NOL4L: variants seen among roughly 807,000 people sequenced by gnomAD.
NOL4L encodes nucleolar protein 4-like.
A neutral mutation model predicts 64.5 loss-of-function variants in NOL4L; 7 were observed. That is an observed-to-expected ratio of 0.11 (90% CI 0.06 to 0.20). The LOEUF (loss-of-function observed/expected upper bound fraction) is 0.20. NOL4L is among the 10% of genes least tolerant of loss of function. NOL4L has a pLI of 1.00. For missense variants in NOL4L, 680 were observed against 967.1 expected (o/e 0.70, Z 3.94); for synonymous variants, 413 against 401.0 (o/e 1.03, Z -0.36).
chr20:32,536,771 G>C (rs1245479343), intron 1 of NOL4L, among the ~76,000 whole-genome samples: 2 of 136,346 alleles, frequency 1.5e-5, no homozygotes, highest in African/African-American at 5.2e-5. Context: ...CAGGGGGGAC[G>C]GCTCCGCGGC....
At chr20:32,488,820 T>C (rs1484172674) in intron 4 of NOL4L, among the ~76,000 whole-genome samples, 362 of 19,072 alleles carry the variant, frequency 0.019, 12 homozygotes, top group Admixed American at 0.035. Context: ...TTTCTTTCTT[T>C]CTTTCTTTTT....
chr20:32,460,031 T>A lies in NOL4L; in HGVS notation c.842-3636A>T, dbSNP rs1417946878. On this transcript the variant is annotated intron_variant, in intron 5 of 10. Transcript: ENST00000621426. The surrounding 1 kb of genome is among the most constrained non-coding windows in gnomAD (Gnocchi z 5.7). ...AGTGATTCCACTTCTACGCAGCATCTGGAACAGGCAAATTCACAGAGACAG... is the reference window on the plus strand; with the variant it reads ...AGTGATTCCACTTCTACGCAGCATCAGGAACAGGCAAATTCACAGAGACAG... Among the ~76,000 whole-genome samples the A allele has an allele frequency of 6.6e-6, 1 of 152,166 alleles. No homozygotes were observed. Among genetic ancestry groups the A allele is most frequent in the African/African-American group, 2.4e-5 (1 of 41,422 alleles).
intron 4 of NOL4L, among the ~76,000 whole-genome samples, chr20:32,493,601 C>T (rs1041261178): frequency 3.9e-5 from 6 of 152,196 alleles, no homozygotes; most frequent in African/African-American, 1.2e-4. Flanking sequence ...CTAAATGCAG[C>T]GATAGCTGAA....
intron 5 of NOL4L, among the ~76,000 whole-genome samples, chr20:32,472,365 C>A (rs2015085409): frequency 6.6e-6 from 1 of 152,218 alleles, no homozygotes; most frequent in Admixed American, 6.5e-5. Context: ...ACCAAGCCCA[C>A]CTGGGCATCA....
intron 4 of NOL4L, among the ~76,000 whole-genome samples, chr20:32,485,075 AAAAAAAAAAAAAC>A (rs1168944390): frequency 2.0e-5 from 3 of 148,030 alleles, no homozygotes; most frequent in South Asian, 4.3e-4. Context: ...AAAAAAAAAA[AAAAAAAAAAAAAC>A]AACTAAAAAA....
chr20:32,536,942 G>C (rs1045023145), intron 1 of NOL4L: 2 of 516,466 alleles, frequency 3.9e-6, no homozygotes, highest in Admixed American at 1.3e-4. Flanking sequence ...CCGCTCACCT[G>C]GAGACCGCGC....
intron 1 of NOL4L, among the ~76,000 whole-genome samples, chr20:32,577,361 C>T (rs999292532): frequency 7.9e-5 from 12 of 152,214 alleles, no homozygotes; most frequent in Non-Finnish European, 1.2e-4. Flanking sequence ...AGCCCTCCAG[C>T]GCCCTTCCTT....
intron 1 of NOL4L, among the ~76,000 whole-genome samples, chr20:32,562,782 A>G (rs1485906675): frequency 6.6e-6 from 1 of 150,466 alleles, no homozygotes; most frequent in Non-Finnish European, 1.5e-5. Flanking sequence ...GGCCCTCCCC[A>G]TTCTGCTCCT....
intron 1 of NOL4L, among the ~76,000 whole-genome samples, chr20:32,551,487 G>A (rs2018801919): frequency 6.6e-6 from 1 of 152,182 alleles, no homozygotes; most frequent in African/African-American, 2.4e-5. Flanking sequence ...GTCTTTAAGT[G>A]GTGCATGACT....
chr20:32,448,156 C>T (rs1350431212), intron 10 of NOL4L, among the ~76,000 whole-genome samples: 1 of 152,196 alleles, frequency 6.6e-6, no homozygotes, highest in African/African-American at 2.4e-5. Context: ...CATTGAGGAA[C>T]TGTGGGACAA....
At position 32,481,080 on chromosome 20, in the gene NOL4L, A is replaced by G. The variant is rs6058714; in HGVS notation, c.700-6338T>C. 1.0e-3 allele frequency among the ~76,000 whole-genome samples: 155 copies of G among 152,116 alleles called. 5 individuals are homozygous for G. The East Asian group carries it at 0.029, about 28-fold the overall frequency. On this transcript the variant is annotated intron_variant, in intron 4 of 10. Coordinates refer to ENST00000621426, the MANE Select transcript of NOL4L (RefSeq NM_001256798.2). Reference sequence around the variant, plus strand: ...CTCCCTCACACTCACTCACACGCACACTGTGTCTGTCAGAAGCGTATTCCC... The same window carrying G: ...CTCCCTCACACTCACTCACACGCACGCTGTGTCTGTCAGAAGCGTATTCCC...
rs2014348751 is a variant in NOL4L at position 32,464,239 on chromosome 20, G to C, written c.842-7844C>G. 6.6e-6 allele frequency among the ~76,000 whole-genome samples: 1 copy of C among 152,228 alleles called. No individual in the cohort carries two copies. Among genetic ancestry groups the C allele is most frequent in the African/African-American group, 2.4e-5 (1 of 41,454 alleles). ...TGACAAAGGCCAGCGCCCAGGCTGT[G>C]TTTACACGATGCGTAGTTCCAAGGA... On this transcript the variant is annotated intron_variant, in intron 5 of 10. Coordinates refer to ENST00000621426, the MANE Select transcript of NOL4L (RefSeq NM_001256798.2). This position sits in a 1 kb window ranked among gnomAD's most constrained non-coding sequence, Gnocchi z 5.6.
chr20:32,556,085 G>A (rs1386607828), intron 1 of NOL4L, among the ~76,000 whole-genome samples: 1 of 152,232 alleles, frequency 6.6e-6, no homozygotes, highest in African/African-American at 2.4e-5. Context: ...TCTGCACAGT[G>A]CCAGGTGCAT....
intron 1 of NOL4L, among the ~76,000 whole-genome samples, chr20:32,579,040 G>A (rs1421361182): frequency 6.6e-6 from 1 of 152,196 alleles, no homozygotes; most frequent in African/African-American, 2.4e-5. Flanking sequence ...GGATGGCAGG[G>A]GCCAGGGCAG....
At chr20:32,566,436 G>A (rs60764690) in intron 1 of NOL4L, among the ~76,000 whole-genome samples, 19,143 of 152,090 alleles carry the variant, frequency 0.13, 1,587 homozygotes, top group African/African-American at 0.24. Context: ...ACTGACTCCC[G>A]TGGGGACAGG....
intron 4 of NOL4L, among the ~76,000 whole-genome samples, chr20:32,494,439 C>A (rs2016606800): frequency 6.6e-6 from 1 of 151,982 alleles, no homozygotes; most frequent in South Asian, 2.1e-4. Flanking sequence ...GCCTACCTCC[C>A]TCTCCTCTCT....
chr20:32,545,841 G>A (rs567646141), intron 1 of NOL4L, among the ~76,000 whole-genome samples: 1 of 151,618 alleles, frequency 6.6e-6, no homozygotes, highest in East Asian at 1.9e-4. Flanking sequence ...AGAAGGGCGG[G>A]CTAGAGCAGG....
At position 32,464,704 on chromosome 20, in the gene NOL4L, A is replaced by G. The variant is rs566924383; in HGVS notation, c.842-8309T>C. On this transcript the variant is annotated intron_variant, in intron 5 of 10. Coordinates refer to ENST00000621426, the MANE Select transcript of NOL4L (RefSeq NM_001256798.2). This position sits in a 1 kb window ranked among gnomAD's most constrained non-coding sequence, Gnocchi z 5.6. ...TCGGGAGCAGCACTGTCCGACAGAA[A>G]CAGAGTGGGAGCCGCATGAGGGATT... 1.5e-5 allele frequency: 4 copies of G among 260,880 alleles called. No individual in the cohort carries two copies. The South Asian group carries it at 6.6e-4, about 43-fold the overall frequency. 16.2% of individuals were successfully genotyped at this position (260,880 alleles called of 1,614,324 possible).
chr20:32,476,246 G>T (rs968524041), intron 4 of NOL4L, among the ~76,000 whole-genome samples: 1 of 141,046 alleles, frequency 7.1e-6, no homozygotes, highest in Non-Finnish European at 1.5e-5. Flanking sequence ...CGTTCAAAAG[G>T]CTCTGCACAA....
Sources: allele counts gnomAD v4.1 joint callset (sites outside exome capture counted in the v4.1 genomes callset), GRCh38; gene constraint gnomAD v4.1.1; non-coding constraint Gnocchi (gnomAD v3.1); transcripts MANE v1.5; gene names NCBI Gene and HGNC (gene_info 2026-07-23, HGNC 2026-07-21).